Variants in FANCI observed in about 807,000 individuals in gnomAD.
FANCI encodes the protein FA complementation group I.
A neutral mutation model predicts 176.1 loss-of-function variants in FANCI; 156 were observed. The observed-to-expected ratio is 0.89, with a 90% confidence interval of 0.78 to 1.01. The LOEUF (loss-of-function observed/expected upper bound fraction) is 1.01, where lower values mean the gene tolerates loss of function less well. FANCI is among the 50% of genes least tolerant of loss of function. The pLI is 0.00. For missense variants in FANCI, 1,678 were observed against 1,534.1 expected (o/e 1.09, Z -1.57); for synonymous variants, 613 against 541.7 (o/e 1.13, Z -1.83).
At chr15:89,245,906 T>G (rs995499642) in intron 1 of FANCI, 1 of 152,336 alleles carries the variant, frequency 6.6e-6, no homozygotes, top group Non-Finnish European at 1.5e-5. Context: ...ACGATTGCAG[T>G]AGTTCAGGTG....
Position 89,283,856 on chromosome 15 carries a change from G to A in FANCI, c.1698+606G>A, listed in dbSNP as rs928994997. Reference sequence around the variant, plus strand: ...CAACTCACTGCAAGCTCTGCCTCCCGGGTTCACGCCATTCTCCTGCCTCAG... The same window carrying A: ...CAACTCACTGCAAGCTCTGCCTCCCAGGTTCACGCCATTCTCCTGCCTCAG... On this transcript the variant is annotated intron_variant, in intron 17 of 37. Coordinates refer to ENST00000310775, the MANE Select transcript of FANCI (RefSeq NM_001113378.2). 2.6e-5 allele frequency among the ~76,000 whole-genome samples: 4 copies of A among 151,476 alleles called. No individual in the cohort carries two copies. The East Asian group carries it at 5.8e-4, about 22-fold the overall frequency.
intron 3 of FANCI, among the ~76,000 whole-genome samples, chr15:89,260,096 C>A (rs1188384402): frequency 6.6e-6 from 1 of 152,142 alleles, no homozygotes; most frequent in African/African-American, 2.4e-5. Flanking sequence ...AATTTTTTCA[C>A]ATCCTCATCA....
At chr15:89,282,105 A>C (rs1393520598) in intron 16 of FANCI, 2 of 427,084 alleles carry the variant, frequency 4.7e-6, no homozygotes, top group African/African-American at 2.0e-5. Flanking sequence ...TGACTTTCCA[A>C]AAGTAAAACA....
At chr15:89,296,371 G>A (rs2054272417) in intron 24 of FANCI, among the ~76,000 whole-genome samples, 1 of 151,954 alleles carries the variant, frequency 6.6e-6, no homozygotes, top group Non-Finnish European at 1.5e-5. Flanking sequence ...GCCTCCCAAA[G>A]TGCTGGGATT....
In FANCI at chr15:89,305,713, A is replaced by G; in HGVS notation, c.3349+15A>G. The G allele has an allele frequency of 1.2e-6, 2 of 1,611,634 alleles. No individual in the cohort carries two copies. The highest frequency in any genetic ancestry group is 1.7e-6 in the Non-Finnish European group (2 of 1,177,674). The stretch of plus-strand genomic sequence containing the variant: ...AACCTTATCAGGTAAGATAAGTTCA[A>G]CTGGGATTCCAGGAATTGACATGAG... On this transcript the variant is annotated intron_variant, in intron 31 of 37. Coordinates refer to ENST00000310775, the MANE Select transcript of FANCI (RefSeq NM_001113378.2).
chr15:89,306,789 ACCTT>A (rs561702706), intron 32 of FANCI, among the ~76,000 whole-genome samples: 11 of 152,160 alleles, frequency 7.2e-5, no homozygotes, highest in Non-Finnish European at 1.6e-4. Flanking sequence ...TCTTTTAAAT[ACCTT>A]CTAAGGTTTA....
chr15:89,257,310 C>T (rs576037825), intron 2 of FANCI, among the ~76,000 whole-genome samples: 103 of 152,286 alleles, frequency 6.8e-4, no homozygotes, highest in African/African-American at 2.3e-3. Context: ...TTTTCTTCAT[C>T]GCCTGTATTA....
At chr15:89,283,370 CTGATGATGATGATGGTGCTGATGA>C (rs2053690521) in intron 17 of FANCI, 120 bp downstream of exon 17, 1 of 1,447,838 alleles carries the variant, frequency 6.9e-7, no homozygotes, top group Admixed American at 1.8e-5. Context: ...ACTAAAGAGT[CTGATGATGATGATGGTGCTGATGA>C]TGATGATGAT....
rs16942918 is a variant in FANCI at position 89,260,880 on chromosome 15, G to A, written c.288+37G>A. The A allele has an allele frequency of 0.4, 644,731 of 1,606,636 alleles. 133,307 individuals are homozygous for A. The highest frequency in any genetic ancestry group is 0.65 in the African/African-American group (48,916 of 74,796). ...AACAAAAACTTTTATTTGGGGGTAGGTTTTTGAGGGTTTGTAATTTGTTGA... is the reference window on the plus strand; with the variant it reads ...AACAAAAACTTTTATTTGGGGGTAGATTTTTGAGGGTTTGTAATTTGTTGA... On this transcript the variant is annotated intron_variant, in intron 4 of 37. Transcript: ENST00000310775.
Position 89,290,267 on chromosome 15 carries a change from ACTCTGCT to A in FANCI, c.1880_1886del (p.Leu627HisfsTer3), listed in dbSNP as rs748003452. On this transcript the variant is annotated frameshift_variant, in exon 19 of 38. Coordinates refer to ENST00000310775, the MANE Select transcript of FANCI (RefSeq NM_001113378.2). LOFTEE classifies it high-confidence loss of function. ...TCAGCTGGCTAATTCAGTCATGCAA[ACTCTGCT>A]CTCACAGGTAAAATACATTTTTATG... 1 of 1,613,340 alleles carries A rather than the reference ACTCTGCT, an allele frequency of 6.2e-7. No homozygotes were observed. Among genetic ancestry groups the A allele is most frequent in the African/African-American group, 1.3e-5 (1 of 74,910 alleles).
At chr15:89,283,818 T>C (rs1326271683) in intron 17 of FANCI, among the ~76,000 whole-genome samples, 2 of 151,762 alleles carry the variant, frequency 1.3e-5, no homozygotes, top group East Asian at 3.9e-4. Context: ...AGTGGCGCGA[T>C]CTCGGCTCAC....
chr15:89,285,349 A>G (rs1241874853), intron 18 of FANCI, 131 bp downstream of exon 18: 9 of 1,279,198 alleles, frequency 7.0e-6, no homozygotes, highest in African/African-American at 3.0e-5. Flanking sequence ...GTAGCTAGTG[A>G]TGTTTAGTCA....
At chr15:89,292,444 C>G (rs2054104151) in intron 20 of FANCI, among the ~76,000 whole-genome samples, 1 of 152,134 alleles carries the variant, frequency 6.6e-6, no homozygotes, top group South Asian at 2.1e-4. Flanking sequence ...CCAGAGATAG[C>G]ACATCTAATG....
At chr15:89,278,434 A>G (rs1361286969) in intron 13 of FANCI, among the ~76,000 whole-genome samples, 1 of 152,194 alleles carries the variant, frequency 6.6e-6, no homozygotes, top group Non-Finnish European at 1.5e-5. Context: ...GCTGAACCTT[A>G]TATGTAGCAA....
intron 37 of FANCI, among the ~76,000 whole-genome samples, chr15:89,315,889 A>G (rs1056488755): frequency 3.9e-5 from 6 of 152,166 alleles, no homozygotes; most frequent in Non-Finnish European, 7.4e-5. Context: ...ACAGAACCCA[A>G]TGTTTCCTTA....
intron 2 of FANCI, among the ~76,000 whole-genome samples, chr15:89,255,649 A>G (rs1338925242): frequency 6.6e-6 from 1 of 152,184 alleles, no homozygotes; most frequent in Non-Finnish European, 1.5e-5. Context: ...AAAATGAGGA[A>G]TGTTCTATTT....
At chr15:89,305,781 C>T (rs2054695812) in intron 31 of FANCI, 83 bp downstream of exon 31, 2 of 1,408,476 alleles carry the variant, frequency 1.4e-6, no homozygotes, top group African/African-American at 1.4e-5. Flanking sequence ...AAAATGGAGC[C>T]CCTGAGCTAA....
rs750735931 is a variant in FANCI at position 89,293,045 on chromosome 15, T to G, written c.2273T>G (p.Phe758Cys). 3 of 1,613,730 alleles carry G rather than the reference T, an allele frequency of 1.9e-6. No individual in the cohort carries two copies. Among genetic ancestry groups the G allele is most frequent in the Non-Finnish European group, 1.7e-6 (2 of 1,179,916 alleles). ...TGTGAGGTTTTAATAGAATACAATTTCTCCATAAGTAGTTTCAGGTAAGGT... is the reference window on the plus strand; with the variant it reads ...TGTGAGGTTTTAATAGAATACAATTGCTCCATAAGTAGTTTCAGGTAAGGT... Reference protein sequence around the residue: ...GVCEVLIEYNFSISSFSKNRF... With the variant: ...GVCEVLIEYNCSISSFSKNRF... Residue 758 changes from phenylalanine (F) to cysteine (C), a missense_variant, in exon 22 of 38, where the codon TTC becomes TGC. Coordinates refer to ENST00000310775, the MANE Select transcript of FANCI (RefSeq NM_001113378.2).
rs1316448173 is a variant in FANCI at position 89,301,353 on chromosome 15, C to G, written c.2917C>G (p.Gln973Glu). ...GTCCTTGTTGAATTTACTTAGCAGT[C>G]AAGAGGAAGATTTTAATAGCAAAGA... ...QRSLLNLLSS[Q>E]EEDFNSKEAL... The change falls in exon 27 of 38, where the codon CAA (glutamine) becomes GAA (glutamate). Residue 973 changes from glutamine to glutamate, a missense_variant. Gln to Glu is a conservative substitution (Grantham distance 29, BLOSUM62 2). Around this residue, in one of 3 missense-constraint regions of FANCI, gnomAD observed 1,204 missense variants for 1,077.4 expected, o/e 1.12. Coordinates refer to ENST00000310775, the MANE Select transcript of FANCI (RefSeq NM_001113378.2). 1.2e-6 allele frequency: 2 copies of G among 1,613,906 alleles called. No individual in the cohort carries two copies. Among genetic ancestry groups the G allele is most frequent in the East Asian group, 2.2e-5 (1 of 44,878 alleles).
Sources: gnomAD v4.1 joint callset for allele counts (sites outside exome capture counted in the v4.1 genomes callset) on GRCh38, gnomAD v4.1.1 for gene constraint, gnomAD v4.1.1 regional missense constraint, MANE v1.5 for transcripts, NCBI Gene and HGNC (gene_info 2026-07-23, HGNC 2026-07-21) for gene names.